Variants in KDM5A observed in about 807,000 individuals in gnomAD.
KDM5A encodes the protein lysine demethylase 5A.
In KDM5A, 42 loss-of-function variants were observed where a neutral mutation model predicts 193.5. The observed-to-expected ratio is 0.22, with a 90% CI of 0.17 to 0.28. The LOEUF is 0.28. KDM5A is among the 10% of genes least tolerant of loss of function. KDM5A has a pLI of 1.00. For synonymous variants in KDM5A, 796 were observed against 718.1 expected (o/e 1.11, Z -1.73); for missense variants, 1,692 against 2,055.1 (o/e 0.82, Z 3.42).
chr12:317,729 C>G (rs1177728087), intron 19 of KDM5A, among the ~76,000 whole-genome samples: 1 of 152,226 alleles, frequency 6.6e-6, no homozygotes, highest in Admixed American at 6.5e-5. Context: ...AACGCTACCC[C>G]ATGCGTGGGT....
At chr12:384,291 G>A in intron 2 of KDM5A, 138 bp from the exon 3 acceptor site, 1 of 702,396 alleles carries the variant, frequency 1.4e-6, no homozygotes, top group East Asian at 2.7e-5. Context: ...AGCAGGAGGT[G>A]AGCAGCGGCA....
At chr12:288,884 G>C (rs1048481154) in intron 27 of KDM5A, among the ~76,000 whole-genome samples, 6 of 152,230 alleles carry the variant, frequency 3.9e-5, no homozygotes, top group Non-Finnish European at 8.8e-5. Flanking sequence ...GGGAAACTGG[G>C]ACAGTTAGTC....
chr12:378,556 A>G (rs952917639), intron 3 of KDM5A, among the ~76,000 whole-genome samples: 5 of 152,178 alleles, frequency 3.3e-5, no homozygotes, highest in African/African-American at 1.2e-4. Flanking sequence ...TGAGCCCACT[A>G]TACCCAGCCA....
chr12:334,054 C>G (rs1943895516), intron 11 of KDM5A, among the ~76,000 whole-genome samples, 187 bp downstream of exon 11: 1 of 152,162 alleles, frequency 6.6e-6, no homozygotes, highest in Non-Finnish European at 1.5e-5. Context: ...AGTCAGTGCT[C>G]TCTAGGATAC....
At chr12:346,935 G>GT (rs1565541183) in intron 10 of KDM5A, among the ~76,000 whole-genome samples, 1 of 152,084 alleles carries the variant, frequency 6.6e-6, no homozygotes, top group African/African-American at 2.4e-5. Flanking sequence ...GCAAGAGAAA[G>GT]AAATAAAGGG....
At position 322,584 on chromosome 12, in the gene KDM5A, A is replaced by T; in HGVS notation, c.2276-17T>A. 6.2e-7 allele frequency: 1 copy of T among 1,606,368 alleles called. No individual in the cohort carries two copies. The highest frequency in any genetic ancestry group is 8.5e-7 in the Non-Finnish European group (1 of 1,175,652). Reference sequence around the variant, plus strand: ...CAATCAAATCTGTAAAAATTTAAATAAAGAGCCATATACAATAACCATAGA... The same window carrying T: ...CAATCAAATCTGTAAAAATTTAAATTAAGAGCCATATACAATAACCATAGA... On this transcript the variant is annotated splice_polypyrimidine_tract_variant and intron_variant, in intron 16 of 27. Coordinates refer to ENST00000399788, the MANE Select transcript of KDM5A (RefSeq NM_001042603.3).
At chr12:297,375 A>T (rs1490411344) in intron 24 of KDM5A, among the ~76,000 whole-genome samples, 175 bp from the exon 25 acceptor site, 1 of 152,214 alleles carries the variant, frequency 6.6e-6, no homozygotes, top group Non-Finnish European at 1.5e-5. Flanking sequence ...GAAAAACTGT[A>T]ATTGTGGCAG....
chr12:362,170 A>T (rs1944301298), intron 5 of KDM5A, among the ~76,000 whole-genome samples: 1 of 152,168 alleles, frequency 6.6e-6, no homozygotes, highest in Admixed American at 6.6e-5. Flanking sequence ...ACATGGATTA[A>T]ATCTTAGGAG....
intron 27 of KDM5A, among the ~76,000 whole-genome samples, chr12:291,112 T>C (rs1943288098): frequency 2.0e-5 from 3 of 152,240 alleles, no homozygotes; most frequent in South Asian, 4.1e-4. Flanking sequence ...TATATTAAAA[T>C]GCTTTAAAAT....
Position 292,747 on chromosome 12 carries a change from G to C in KDM5A, c.4866+12C>G, listed in dbSNP as rs762914139. The C allele has an allele frequency of 8.1e-6, 13 of 1,614,196 alleles. No homozygotes were observed. Among genetic ancestry groups the C allele is most frequent in the East Asian group, 2.2e-5 (1 of 44,882 alleles). On this transcript the variant is annotated intron_variant, in intron 27 of 27. Coordinates refer to ENST00000399788, the MANE Select transcript of KDM5A (RefSeq NM_001042603.3). ...GACCTCTCATGCTTGACTATAAACA[G>C]TTGGAACTCACCTTGTCCTTGCAGG... is the stretch of plus-strand genomic sequence containing the variant.
At chr12:300,786 A>G (rs1458979785) in intron 24 of KDM5A, among the ~76,000 whole-genome samples, 1 of 152,200 alleles carries the variant, frequency 6.6e-6, no homozygotes, top group African/African-American at 2.4e-5. Context: ...ACCGCTAGGC[A>G]GACTAAAAAG....
chr12:293,623 A>G (rs1376475995), intron 26 of KDM5A, among the ~76,000 whole-genome samples: 3 of 152,048 alleles, frequency 2.0e-5, no homozygotes, highest in African/African-American at 7.3e-5. Flanking sequence ...TACTAAAAAT[A>G]CAAAAATTAG....
At chr12:315,003 G>A (rs919754959) in intron 19 of KDM5A, among the ~76,000 whole-genome samples, 3 of 152,184 alleles carry the variant, frequency 2.0e-5, no homozygotes, top group African/African-American at 7.2e-5. Flanking sequence ...AAGTAAGGGA[G>A]TGAAAGTTAC....
intron 3 of KDM5A, among the ~76,000 whole-genome samples, chr12:367,436 C>T (rs935541480): frequency 9.9e-5 from 15 of 152,014 alleles, no homozygotes; most frequent in African/African-American, 3.6e-4. Flanking sequence ...GTGGCTTATG[C>T]CTGTAATCCC....
intron 27 of KDM5A, among the ~76,000 whole-genome samples, chr12:286,783 G>A (rs59147371): frequency 0.02 from 3,092 of 152,224 alleles, 86 homozygotes; most frequent in African/African-American, 0.07. Context: ...CAGTAGTCAC[G>A]TCAGTAGTTT....
intron 18 of KDM5A, among the ~76,000 whole-genome samples, chr12:320,643 C>T (rs999879422): frequency 2.0e-5 from 3 of 151,982 alleles, no homozygotes; most frequent in Non-Finnish European, 4.4e-5. Context: ...ATTCATTAAG[C>T]GATCATTAAG....
intron 13 of KDM5A, among the ~76,000 whole-genome samples, chr12:331,491 G>A (rs1283123070): frequency 1.3e-5 from 2 of 151,282 alleles, no homozygotes; most frequent in African/African-American, 2.4e-5. Flanking sequence ...TCAAAATAAA[G>A]GAAAGAAGGA....
intron 10 of KDM5A, among the ~76,000 whole-genome samples, chr12:336,472 A>G (rs1943935176): frequency 3.3e-5 from 5 of 152,304 alleles, no homozygotes; most frequent in South Asian, 4.1e-4. Context: ...ACAGGCTAAC[A>G]AAAAAGGAAA....
intron 25 of KDM5A, among the ~76,000 whole-genome samples, chr12:296,778 G>A (rs1472155731): frequency 6.6e-6 from 1 of 152,220 alleles, no homozygotes; most frequent in Non-Finnish European, 1.5e-5. Flanking sequence ...GAATTTTCTA[G>A]AACTGAGGCA....
Sources: gnomAD v4.1 joint callset for allele counts (sites outside exome capture counted in the v4.1 genomes callset) on GRCh38, gnomAD v4.1.1 for gene constraint, MANE v1.5 for transcripts, NCBI Gene and HGNC (gene_info 2026-07-23, HGNC 2026-07-21) for gene names.